FRMD4A: variants seen among roughly 807,000 people sequenced by gnomAD.
The protein encoded by FRMD4A is FERM domain-containing protein 4A.
FRMD4A carries 29 observed loss-of-function variants against 129.1 expected under a neutral mutation model. That is an observed-to-expected ratio of 0.22 (90% confidence interval 0.17 to 0.31). FRMD4A has a LOEUF of 0.31. Among genes scored for constraint, FRMD4A ranks in the 10% least tolerant of loss-of-function variants. The pLI is 1.00. For missense variants in FRMD4A, 1,272 were observed against 1,375.8 expected (o/e 0.92, Z 1.19); for synonymous variants, 634 against 571.6 (o/e 1.11, Z -1.56).
intron 2 of FRMD4A, among the ~76,000 whole-genome samples, chr10:13,943,623 G>A (rs1287611299): frequency 9.1e-6 from 1 of 110,334 alleles, no homozygotes; most frequent in Non-Finnish European, 1.7e-5. Context: ...ACTCCAGCCT[G>A]GCGACAGAGC....
chr10:14,328,626 ATGTGTGTGTGTGTG>A (rs58681647), intron 2 of FRMD4A, among the ~76,000 whole-genome samples: 1 of 142,474 alleles, frequency 7.0e-6, no homozygotes, highest in African/African-American at 2.6e-5. Flanking sequence ...ATACATATGC[ATGTGTGTGTGTGTG>A]TGTGTGTGTG....
At chr10:14,289,970 T>C (rs1214254883) in intron 2 of FRMD4A, among the ~76,000 whole-genome samples, 1 of 151,976 alleles carries the variant, frequency 6.6e-6, no homozygotes, top group Non-Finnish European at 1.5e-5. Flanking sequence ...TGATGAACTA[T>C]ATAAAAAGGA....
intron 12 of FRMD4A, among the ~76,000 whole-genome samples, chr10:13,724,525 A>G (rs1299223948): frequency 6.6e-6 from 1 of 152,218 alleles, no homozygotes; most frequent in Non-Finnish European, 1.5e-5. Context: ...TTTTGGAGCG[A>G]GCGAGGCTAT....
At chr10:13,669,542 A>G (rs74121827) in intron 17 of FRMD4A, among the ~76,000 whole-genome samples, 1 of 152,082 alleles carries the variant, frequency 6.6e-6, no homozygotes, top group African/African-American at 2.4e-5. Flanking sequence ...GTTTCTCCCA[A>G]TCACTTTCTT....
chr10:14,190,987 C>G (rs1321045586), intron 2 of FRMD4A, among the ~76,000 whole-genome samples: 1 of 152,170 alleles, frequency 6.6e-6, no homozygotes, highest in Non-Finnish European at 1.5e-5. Flanking sequence ...CAAGCTGGTT[C>G]CGTGCAGACC....
chr10:13,824,897 A>T (rs2130918204), intron 3 of FRMD4A, among the ~76,000 whole-genome samples: 1 of 149,180 alleles, frequency 6.7e-6, no homozygotes, highest in Non-Finnish European at 1.5e-5. Context: ...TCTGTCTCAA[A>T]AAAAAAAAAA....
chr10:14,209,718 C>CAAAA (rs34707420), intron 2 of FRMD4A, among the ~76,000 whole-genome samples: 2 of 108,548 alleles, frequency 1.8e-5, no homozygotes, highest in African/African-American at 3.5e-5. Flanking sequence ...GAGACTGTCT[C>CAAAA]AAAAAAAAAA....
rs1011204997 is a variant in FRMD4A at position 14,131,792 on chromosome 10, G to A, written c.45+198266C>T. Among the ~76,000 whole-genome samples, 6 of 151,850 alleles carry A rather than the reference G, an allele frequency of 4.0e-5. No homozygotes were observed. The South Asian group carries it at 8.3e-4, about 21-fold the overall frequency. On this transcript the variant is annotated intron_variant, in intron 2 of 24. Coordinates refer to ENST00000357447, the MANE Select transcript of FRMD4A (RefSeq NM_018027.5). ...TGGCCCTTCCTCTCCTTCCGCTCCCGCTAGAAGCTGTCCTAGCTGGGAGCT... is the reference window on the plus strand; with the variant it reads ...TGGCCCTTCCTCTCCTTCCGCTCCCACTAGAAGCTGTCCTAGCTGGGAGCT...
intron 3 of FRMD4A, among the ~76,000 whole-genome samples, chr10:13,837,945 C>T (rs1319090932): frequency 1.3e-5 from 2 of 152,212 alleles, no homozygotes; most frequent in African/African-American, 4.8e-5. Flanking sequence ...CCAATGAAGA[C>T]CTCTTAAGGG....
chr10:13,643,959 C>T lies in FRMD4A; in HGVS notation c.*3079G>A, dbSNP rs1466143338. The T allele has an allele frequency of 6.6e-6, 1 of 152,526 alleles. No individual in the cohort carries two copies. The highest frequency in any genetic ancestry group is 1.5e-5 in the Non-Finnish European group (1 of 68,036). The allele number at this position is 152,526 out of a possible 1,614,324, so 9.4% of individuals were successfully genotyped here. On this transcript the variant is annotated 3_prime_UTR_variant, in exon 25 of 25. Coordinates refer to ENST00000357447, the MANE Select transcript of FRMD4A (RefSeq NM_018027.5). The stretch of plus-strand genomic sequence containing the variant: ...TTTTCCCCCATTATTAAACTAGAGT[C>T]CATTTTACACAACTTGTAATAAACT...
chr10:14,208,158 T>G (rs895656663), intron 2 of FRMD4A, among the ~76,000 whole-genome samples: 5 of 152,228 alleles, frequency 3.3e-5, no homozygotes, highest in Non-Finnish European at 7.4e-5. Context: ...ATCACACTAC[T>G]GGCCTCCAGC....
intron 14 of FRMD4A, among the ~76,000 whole-genome samples, chr10:13,694,854 A>G (rs1021603698): frequency 6.8e-6 from 1 of 147,784 alleles, no homozygotes. Flanking sequence ...AAAAAAAAAA[A>G]AGAGAGAAAT....
intron 2 of FRMD4A, among the ~76,000 whole-genome samples, chr10:14,259,119 G>A (rs1283115119): frequency 6.6e-6 from 1 of 152,062 alleles, no homozygotes; most frequent in Admixed American, 6.5e-5. Flanking sequence ...TTCAAAAACT[G>A]TATACTTTAA....
At chr10:14,250,101 C>T (rs1844384170) in intron 2 of FRMD4A, among the ~76,000 whole-genome samples, 2 of 152,104 alleles carry the variant, frequency 1.3e-5, no homozygotes, top group South Asian at 4.1e-4. Context: ...GCTGCGATTA[C>T]AGGTGCGTGC....
chr10:14,283,094 C>G (rs1217059491), intron 2 of FRMD4A, among the ~76,000 whole-genome samples: 1 of 152,240 alleles, frequency 6.6e-6, no homozygotes, highest in African/African-American at 2.4e-5. Flanking sequence ...TTCCAGGCAT[C>G]AGCCTGAAGC....
intron 2 of FRMD4A, among the ~76,000 whole-genome samples, chr10:14,069,151 G>A (rs1225282006): frequency 1.3e-5 from 2 of 152,232 alleles, no homozygotes; most frequent in Admixed American, 1.3e-4. Context: ...AGGATGTTAA[G>A]TAGTTTGGCT....
At chr10:13,852,917 C>T (rs1003044767) in intron 3 of FRMD4A, among the ~76,000 whole-genome samples, 2 of 152,046 alleles carry the variant, frequency 1.3e-5, no homozygotes, top group African/African-American at 4.8e-5. Flanking sequence ...GGATTATGAG[C>T]CCTGGGTAAG....
chr10:14,027,662 G>GCAT (rs1179332838), intron 2 of FRMD4A, among the ~76,000 whole-genome samples: 1 of 152,192 alleles, frequency 6.6e-6, no homozygotes, highest in African/African-American at 2.4e-5. Flanking sequence ...AACAGTCAGT[G>GCAT]CATTGGCTTC....
intron 2 of FRMD4A, among the ~76,000 whole-genome samples, chr10:14,075,737 G>T (rs770112154): frequency 3.7e-4 from 36 of 98,020 alleles, no homozygotes; most frequent in African/African-American, 1.2e-3. Flanking sequence ...TATAGTGTGT[G>T]TGTATATTTT....
Sources: gnomAD v4.1 joint callset for allele counts (sites outside exome capture counted in the v4.1 genomes callset) on GRCh38, gnomAD v4.1.1 for gene constraint, MANE v1.5 for transcripts, NCBI Gene and HGNC (gene_info 2026-07-23, HGNC 2026-07-21) for gene names.